The following SLC8B1 variants were observed in gnomAD, a reference collection of about 807,000 sequenced individuals.
SLC8B1 encodes the protein mitochondrial sodium/calcium exchanger protein.
SLC8B1 carries 52 observed loss-of-function variants against 63.4 expected under a neutral mutation model. That is an observed-to-expected ratio of 0.82 (90% confidence interval 0.66 to 1.03). The LOEUF (loss-of-function observed/expected upper bound fraction) is 1.03. Among genes scored for constraint, SLC8B1 ranks in the 50% least tolerant of loss-of-function variants. The probability of loss-of-function intolerance (pLI) is 0.00; values close to 1 mark genes in which losing one functional copy is unlikely to be tolerated. For synonymous variants in SLC8B1, 336 were observed against 323.9 expected (o/e 1.04, Z -0.40); for missense variants, 657 against 741.7 (o/e 0.89, Z 1.33).
intron 9 of SLC8B1, 90 bp from the exon 10 acceptor site, chr12:113,316,746 C>T: frequency 6.4e-7 from 1 of 1,563,254 alleles, no homozygotes; most frequent in Non-Finnish European, 8.7e-7. Flanking sequence ...GTCCTCCCAG[C>T]CCTAAAGGAG....
chr12:113,317,824 T>G (rs1180768347), intron 8 of SLC8B1, among the ~76,000 whole-genome samples: 2 of 149,670 alleles, frequency 1.3e-5, no homozygotes, highest in East Asian at 3.8e-4. Context: ...TGTATTTGTG[T>G]GTATTGTGTA....
At chr12:113,326,495 G>A (rs554641594) in intron 2 of SLC8B1, among the ~76,000 whole-genome samples, 1 of 152,204 alleles carries the variant, frequency 6.6e-6, no homozygotes, top group East Asian at 1.9e-4. Flanking sequence ...AGCCTCTGGA[G>A]GAGCTGGGAT....
At position 113,311,706 on chromosome 12, in the gene SLC8B1, T is replaced by C. The variant is rs1593244357; in HGVS notation, c.1136-1351A>G. The stretch of plus-strand genomic sequence containing the variant: ...GTGATTGTCAAGGGGGATTTTTTTT[T>C]TTTTTTTTTTTTTTTTAGACAGGGT... On this transcript the variant is annotated intron_variant, in intron 11 of 15. Coordinates refer to ENST00000680972, the MANE Select transcript of SLC8B1 (RefSeq NM_001358345.2). 1.3e-5 allele frequency among the ~76,000 whole-genome samples: 2 copies of C among 148,494 alleles called. 1 individual carries two copies. The highest frequency in any genetic ancestry group is 4.0e-4 in the East Asian group (2 of 5,034).
intron 8 of SLC8B1, among the ~76,000 whole-genome samples, chr12:113,318,169 T>C (rs1370786465): frequency 6.6e-6 from 1 of 152,220 alleles, no homozygotes; most frequent in Non-Finnish European, 1.5e-5. Flanking sequence ...GTGTTGCAGA[T>C]GTGTATGCAT....
intron 11 of SLC8B1, among the ~76,000 whole-genome samples, chr12:113,311,319 A>G (rs953931618): frequency 6.6e-6 from 1 of 152,138 alleles, no homozygotes; most frequent in Non-Finnish European, 1.5e-5. Context: ...GGGTGGTGGC[A>G]CACACCTGTA....
chr12:113,313,429 C>T (rs538784879), intron 11 of SLC8B1, among the ~76,000 whole-genome samples: 5 of 151,708 alleles, frequency 3.3e-5, no homozygotes, highest in Admixed American at 1.3e-4. Flanking sequence ...GACAATACAA[C>T]GAGCTGATTT....
intron 13 of SLC8B1, 59 bp downstream of exon 13, chr12:113,307,632 G>T: frequency 6.4e-7 from 1 of 1,568,480 alleles, no homozygotes; most frequent in Non-Finnish European, 8.7e-7. Context: ...GCTGGGGGAG[G>T]AAAGAGCTAA....
intron 11 of SLC8B1, 118 bp downstream of exon 11, chr12:113,315,217 T>A: frequency 9.4e-7 from 1 of 1,067,920 alleles, no homozygotes; most frequent in East Asian, 2.9e-5. Context: ...ACCCGAGAGG[T>A]GGAGGGAGGT....
Position 113,315,317 on chromosome 12 carries a change from G to A in SLC8B1, c.1135+18C>T, listed in dbSNP as rs367774356. ...AAGGAGTAGGAAGGTGGGTTGGCCC[G>A]GGGTAGGGGATACTCACAGGTCCCC... On this transcript the variant is annotated intron_variant, in intron 11 of 15. Coordinates refer to ENST00000680972, the MANE Select transcript of SLC8B1 (RefSeq NM_001358345.2). The A allele has an allele frequency of 2.5e-5, 37 of 1,504,998 alleles. No homozygotes were observed. The highest frequency in any genetic ancestry group is 1.7e-4 in the Middle Eastern group (1 of 5,800). 93.2% of individuals were successfully genotyped at this position (1,504,998 alleles called of 1,614,324 possible). A position where few individuals can be genotyped will look rare whatever the true frequency, so the allele number is the denominator to read the frequency against.
chr12:113,311,063 C>T (rs1956752910), intron 11 of SLC8B1, among the ~76,000 whole-genome samples: 1 of 152,162 alleles, frequency 6.6e-6, no homozygotes, highest in Non-Finnish European at 1.5e-5. Flanking sequence ...GCCTATAATG[C>T]CGGCACTTTG....
chr12:113,319,738 G>A (rs1334232498), intron 7 of SLC8B1, among the ~76,000 whole-genome samples: 3 of 152,126 alleles, frequency 2.0e-5, no homozygotes, highest in African/African-American at 4.8e-5. Context: ...GTCACGATCC[G>A]GGTGGCCCCA....
At chr12:113,330,649 G>C (rs1318221749) in intron 2 of SLC8B1, among the ~76,000 whole-genome samples, 1 of 152,162 alleles carries the variant, frequency 6.6e-6, no homozygotes, top group Admixed American at 6.5e-5. Context: ...GCTCCAAGAG[G>C]GGGTACTCAA....
intron 2 of SLC8B1, among the ~76,000 whole-genome samples, chr12:113,324,808 A>G (rs542698375): frequency 2.0e-5 from 3 of 151,982 alleles, no homozygotes; most frequent in African/African-American, 7.2e-5. Flanking sequence ...GGTTCAAGTG[A>G]TTCTCCTGCC....
intron 11 of SLC8B1, among the ~76,000 whole-genome samples, chr12:113,314,403 TGAGGGGGAG>T: frequency 6.6e-6 from 1 of 152,238 alleles, no homozygotes; most frequent in Non-Finnish European, 1.5e-5. Flanking sequence ...GCCCCTGGGC[TGAGGGGGAG>T]GAGCCTAGAT....
In SLC8B1 at chr12:113,320,021, G is replaced by A. The variant is rs865823312; in HGVS notation, c.694+310C>T. 1.2e-4 allele frequency: 36 copies of A among 309,420 alleles called. No individual in the cohort carries two copies. Among genetic ancestry groups the A allele is most frequent in the Middle Eastern group, 1.0e-3 (1 of 998 alleles). The allele number at this position is 309,420 out of a possible 1,614,324, so 19.2% of individuals were successfully genotyped here. On this transcript the variant is annotated intron_variant, in intron 7 of 15. Coordinates refer to ENST00000680972, the MANE Select transcript of SLC8B1 (RefSeq NM_001358345.2). This position sits in a 1 kb window ranked among gnomAD's most constrained non-coding sequence, Gnocchi z 5.3. Reference sequence around the variant, plus strand: ...TTGCCCAGGCTGGTCTCAAACTCCTGAACCAAAGTGATCCTCCTGCCTCAG... The same window carrying A: ...TTGCCCAGGCTGGTCTCAAACTCCTAAACCAAAGTGATCCTCCTGCCTCAG...
At chr12:113,302,421 GGA>G (rs1956600908) in intron 15 of SLC8B1, 1 of 289,990 alleles carries the variant, frequency 3.4e-6, no homozygotes, top group African/African-American at 2.2e-5. Context: ...TCCAGAACTG[GGA>G]GAGACTCAAT....
chr12:113,300,298 G>C (rs765581173), intron 15 of SLC8B1, among the ~76,000 whole-genome samples: 2 of 152,062 alleles, frequency 1.3e-5, no homozygotes, highest in Non-Finnish European at 2.9e-5. Context: ...CCAGGAGTTC[G>C]AGACCACTGG....
At chr12:113,307,946 T>TAATAAGCTCATGAGGTA in intron 12 of SLC8B1, 102 bp from the exon 13 acceptor site, 1 of 1,400,024 alleles carries the variant, frequency 7.1e-7, no homozygotes, top group Non-Finnish European at 9.6e-7. Flanking sequence ...ATCTACCTCA[T>TAATAAGCTCATGAGGTA]GAGCTTATTA....
Position 113,305,647 on chromosome 12 carries a change from A to T in SLC8B1, c.1492+848T>A, listed in dbSNP as rs556141313. ...GGCCCACTAACTGCTTTTATAAATAAAGTTTTATTGGAACAGAGCCATGGC... is the reference window on the plus strand; with the variant it reads ...GGCCCACTAACTGCTTTTATAAATATAGTTTTATTGGAACAGAGCCATGGC... On this transcript the variant is annotated intron_variant, in intron 14 of 15. Coordinates refer to ENST00000680972, the MANE Select transcript of SLC8B1 (RefSeq NM_001358345.2). The surrounding 1 kb of genome is among the most constrained non-coding windows in gnomAD (Gnocchi z 4.3). Among the ~76,000 whole-genome samples the T allele has an allele frequency of 6.6e-6, 1 of 152,348 alleles. No individual in the cohort carries two copies. The highest frequency in any genetic ancestry group is 1.9e-4 in the East Asian group (1 of 5,190).
Sources: allele counts gnomAD v4.1 joint callset (sites outside exome capture counted in the v4.1 genomes callset), GRCh38; gene constraint gnomAD v4.1.1; non-coding constraint Gnocchi (gnomAD v3.1); transcripts MANE v1.5; gene names NCBI Gene and HGNC (gene_info 2026-07-23, HGNC 2026-07-21).